The following LRRC4C variants were observed in gnomAD, a reference collection of about 807,000 sequenced individuals.
The protein encoded by LRRC4C is leucine rich repeat containing 4C.
LRRC4C carries 5 observed loss-of-function variants against 33.6 expected under a neutral mutation model. The observed-to-expected ratio is 0.15, with a 90% confidence interval of 0.08 to 0.31. The LOEUF (loss-of-function observed/expected upper bound fraction) is 0.31, where lower values mean the gene tolerates loss of function less well. Ranked by LOEUF, LRRC4C falls within the 10% of genes least tolerant of loss-of-function variation. The probability of loss-of-function intolerance (pLI) is 1.00; values close to 1 mark genes in which losing one functional copy is unlikely to be tolerated. For synonymous variants in LRRC4C, 329 were observed against 302.0 expected, an observed-to-expected ratio of 1.09 and a Z score of -0.93; for missense variants, 560 against 796.7, an observed-to-expected ratio of 0.70 and a Z score of 3.58.
chr11:40,750,643 G>A (rs1240925835), intron 2 of LRRC4C, among the ~76,000 whole-genome samples: 2 of 128,418 alleles, frequency 1.6e-5, no homozygotes, highest in African/African-American at 3.0e-5. Flanking sequence ...ATCACACATC[G>A]GGACTGTTGT....
rs1290366353 is a variant in LRRC4C, at chr11:41,288,938, G to A, written c.-496+170493C>T. ...GAACCTTTATTTTTTTTTTTTAAGA[G>A]CTCACTTGATAGGTTAATCTTACCC... On this transcript the variant is annotated intron_variant, in intron 1 of 6. Transcript: ENST00000528697. 2.7e-5 allele frequency among the ~76,000 whole-genome samples: 4 copies of A among 150,936 alleles called. No individual in the cohort carries two copies. In the East Asian group the frequency reaches 5.8e-4, roughly 22 times the overall value.
At chr11:40,596,188 A>G (rs943264381) in intron 3 of LRRC4C, among the ~76,000 whole-genome samples, 3 of 152,184 alleles carry the variant, frequency 2.0e-5, no homozygotes, top group Non-Finnish European at 4.4e-5. Flanking sequence ...CTCATGGCGC[A>G]AGGCTAGGAG....
At chr11:40,147,175 G>T (rs1241953323) in intron 5 of LRRC4C, among the ~76,000 whole-genome samples, 1 of 151,980 alleles carries the variant, frequency 6.6e-6, no homozygotes, top group Non-Finnish European at 1.5e-5. Flanking sequence ...GGCACTGACC[G>T]CCACTTGCAG....
intron 1 of LRRC4C, among the ~76,000 whole-genome samples, chr11:40,987,679 TA>T (rs1468950251): frequency 1.5e-4 from 5 of 33,118 alleles, no homozygotes; most frequent in Non-Finnish European, 2.1e-4. Flanking sequence ...ATAAATGATA[TA>T]TATATATATA....
rs551634043 is a variant in LRRC4C, at chr11:40,132,565, T to C, written c.-43+8236A>G. Among the ~76,000 whole-genome samples, 12 of 152,262 alleles carry C rather than the reference T, an allele frequency of 7.9e-5. No individual in the cohort carries two copies. The East Asian group carries it at 2.3e-3, about 29-fold the overall frequency. On this transcript the variant is annotated intron_variant, in intron 6 of 6. Coordinates refer to ENST00000528697, the MANE Select transcript of LRRC4C (RefSeq NM_001258419.2). ...CTATAGTTTATTCCTCAAAGGAAAA[T>C]GTAGTAATGCATTAACTAATGCATT...
At chr11:41,019,892 A>G (rs1855838138) in intron 1 of LRRC4C, among the ~76,000 whole-genome samples, 1 of 152,096 alleles carries the variant, frequency 6.6e-6, no homozygotes, top group South Asian at 2.1e-4. Flanking sequence ...AATATGTTTA[A>G]GTTGCTTGTA....
At chr11:41,138,025 T>C (rs997250512) in intron 1 of LRRC4C, among the ~76,000 whole-genome samples, 5 of 152,162 alleles carry the variant, frequency 3.3e-5, no homozygotes, top group African/African-American at 1.2e-4. Flanking sequence ...CAAATAAAGG[T>C]ATATCACTGG....
chr11:41,113,849 G>T (rs541056227), intron 1 of LRRC4C, among the ~76,000 whole-genome samples: 95 of 151,950 alleles, frequency 6.3e-4, no homozygotes, highest in African/African-American at 2.3e-3. Flanking sequence ...ACATAAAGTG[G>T]CAGAAAACAA....
chr11:41,220,319 G>A (rs1257495962), intron 1 of LRRC4C, among the ~76,000 whole-genome samples: 1 of 152,038 alleles, frequency 6.6e-6, no homozygotes, highest in South Asian at 2.1e-4. Flanking sequence ...GTTTTTCAAG[G>A]ACATACAACT....
chr11:40,526,306 A>G (rs1423561150), intron 3 of LRRC4C, among the ~76,000 whole-genome samples: 1 of 152,156 alleles, frequency 6.6e-6, no homozygotes. Context: ...CAAGGATTGA[A>G]AAAGGATATT....
intron 3 of LRRC4C, among the ~76,000 whole-genome samples, chr11:40,635,699 C>T (rs1164120025): frequency 2.9e-5 from 4 of 137,630 alleles, no homozygotes; most frequent in South Asian, 2.3e-4. Context: ...TGCAGTGGCG[C>T]GATCTCGGCT....
In LRRC4C at chr11:40,956,030, G is replaced by T. The variant is rs542691255; in HGVS notation, c.-495-22307C>A. The stretch of plus-strand genomic sequence containing the variant: ...GCCCTTAAGCCAACCAGTCTTTTTG[G>T]TTTTCTATATACTCCTGTTAGCTTT... On this transcript the variant is annotated intron_variant, in intron 1 of 6. Transcript: ENST00000528697. Among the ~76,000 whole-genome samples the T allele has an allele frequency of 3.3e-4, 50 of 151,830 alleles. 1 individual carries two copies. Among genetic ancestry groups the T allele is most frequent in the Admixed American group, 3.2e-3 (49 of 15,190 alleles).
chr11:41,080,864 C>T (rs1239707554), intron 1 of LRRC4C, among the ~76,000 whole-genome samples: 1 of 152,060 alleles, frequency 6.6e-6, no homozygotes, highest in Non-Finnish European at 1.5e-5. Flanking sequence ...GCCAAATTAT[C>T]CTAGATTTTG....
rs564939224 is a variant in LRRC4C, at chr11:41,178,306, G to A, written c.-495-244583C>T. Among the ~76,000 whole-genome samples, 162 of 152,144 alleles carry A rather than the reference G, an allele frequency of 1.1e-3. 1 individual carries two copies. The highest frequency in any genetic ancestry group is 6.8e-3 in the Middle Eastern group (2 of 294). ...AAGACAGCTGTCTTAAATTCACCAG[G>A]GTAGGTTAATAAAAGTCCAGATCCA... is the stretch of plus-strand genomic sequence containing the variant. On this transcript the variant is annotated intron_variant, in intron 1 of 6. Coordinates refer to ENST00000528697, the MANE Select transcript of LRRC4C (RefSeq NM_001258419.2).
At chr11:40,582,354 A>C (rs1310380862) in intron 3 of LRRC4C, among the ~76,000 whole-genome samples, 1 of 152,130 alleles carries the variant, frequency 6.6e-6, no homozygotes, top group East Asian at 1.9e-4. Flanking sequence ...ATTTTTTTCT[A>C]TACTTAGAAG....
intron 3 of LRRC4C, among the ~76,000 whole-genome samples, chr11:40,331,775 G>T (rs1218629250): frequency 1.3e-5 from 2 of 152,130 alleles, no homozygotes; most frequent in Non-Finnish European, 2.9e-5. Flanking sequence ...CTTAACACCA[G>T]TTGCCCCAAA....
chr11:40,703,328 C>T (rs900876364), intron 2 of LRRC4C, among the ~76,000 whole-genome samples: 3 of 152,072 alleles, frequency 2.0e-5, no homozygotes, highest in African/African-American at 7.2e-5. Context: ...GGTCAAGTAG[C>T]CGTGAAATTT....
At chr11:41,273,210 A>C (rs989816176) in intron 1 of LRRC4C, among the ~76,000 whole-genome samples, 2 of 152,154 alleles carry the variant, frequency 1.3e-5, no homozygotes, top group Admixed American at 1.3e-4. Flanking sequence ...TAGAATCTGC[A>C]GCTACTATAG....
At chr11:41,177,075 G>A (rs781773228) in intron 1 of LRRC4C, among the ~76,000 whole-genome samples, 3 of 152,174 alleles carry the variant, frequency 2.0e-5, no homozygotes, top group Non-Finnish European at 4.4e-5. Context: ...TCCAGGACCT[G>A]AAGAAGGAGA....
Sources: gnomAD v4.1 joint callset for allele counts (sites outside exome capture counted in the v4.1 genomes callset) on GRCh38, gnomAD v4.1.1 for gene constraint, MANE v1.5 for transcripts, NCBI Gene and HGNC (gene_info 2026-07-23, HGNC 2026-07-21) for gene names.